The following FBXO30 variants were observed in gnomAD, a reference collection of about 807,000 sequenced individuals.
FBXO30 encodes the protein F-box protein 30.
A neutral mutation model predicts 58.1 loss-of-function variants in FBXO30; 21 were observed. The observed-to-expected ratio is 0.36, with a 90% CI of 0.26 to 0.52. The LOEUF is 0.52. FBXO30 is among the 20% of genes least tolerant of loss of function. FBXO30 has a pLI of 0.93. For missense variants in FBXO30, 744 were observed against 897.3 expected (o/e 0.83, Z 2.18); for synonymous variants, 309 against 312.4 (o/e 0.99, Z 0.11).
chr6:145,808,248 C>A (rs1024143918), intron 1 of FBXO30, among the ~76,000 whole-genome samples: 4 of 143,274 alleles, frequency 2.8e-5, no homozygotes, highest in African/African-American at 7.6e-5. Flanking sequence ...CAAAAAAAAA[C>A]GTCTAATTTC....
At position 145,795,414 on chromosome 6, in the gene FBXO30, A is replaced by G. The variant is rs1181622542; in HGVS notation, c.*4692T>C. On this transcript the variant is annotated 3_prime_UTR_variant, in exon 3 of 3. Transcript: ENST00000237281. ...ACATATTGAAGAACCATTCCCTAGT[A>G]TTTGCATGCAAATGGGTTAATAAAA... 2.0e-5 allele frequency: 3 copies of G among 151,860 alleles called. No individual in the cohort carries two copies. Among genetic ancestry groups the G allele is most frequent in the Non-Finnish European group, 1.5e-5 (1 of 67,810 alleles). The allele number at this position is 151,860 out of a possible 1,614,324, so 9.4% of individuals were successfully genotyped here.
intron 1 of FBXO30, among the ~76,000 whole-genome samples, chr6:145,807,693 A>G (rs772559884): frequency 2.6e-5 from 4 of 152,248 alleles, no homozygotes; most frequent in Non-Finnish European, 4.4e-5. Flanking sequence ...GAAAAGTTTT[A>G]TATGAAAAAT....
In FBXO30 at chr6:145,805,667, C is replaced by A; in HGVS notation, c.739G>T (p.Val247Leu). The A allele has an allele frequency of 6.2e-7, 1 of 1,614,138 alleles. No homozygotes were observed. The highest frequency in any genetic ancestry group is 1.6e-4 in the Middle Eastern group (1 of 6,062). The change falls in exon 2 of 3, where the codon GTA becomes TTA. Residue 247 changes from valine (V) to leucine (L), a missense_variant. Physicochemically the swap from Val to Leu is conservative, Grantham distance 32. Coordinates refer to ENST00000237281, the MANE Select transcript of FBXO30 (RefSeq NM_032145.5). ...GTGTCATTGTAGTCAATTCCACCTACTGCTCCTATTTCCTCCTCATAAAGA... is the reference window on the plus strand; with the variant it reads ...GTGTCATTGTAGTCAATTCCACCTAATGCTCCTATTTCCTCCTCATAAAGA... ...DHLYEEEIGA[V>L]GGIDYNDTNQ...
At position 145,797,873 on chromosome 6, in the gene FBXO30, T is replaced by G. The variant is rs1365390388; in HGVS notation, c.*2233A>C. 4 of 152,036 alleles carry G rather than the reference T, an allele frequency of 2.6e-5. No individual in the cohort carries two copies. Among genetic ancestry groups the G allele is most frequent in the Non-Finnish European group, 5.9e-5 (4 of 67,948 alleles). The allele number at this position is 152,036 out of a possible 1,614,324, so 9.4% of individuals were successfully genotyped here. A position where few individuals can be genotyped will look rare whatever the true frequency, so the allele number is the denominator to read the frequency against. ...CTATTAGGCCAACATAAAAACCTTT[T>G]CATACTTAAGAGGAGAGAGAGATGG... On this transcript the variant is annotated 3_prime_UTR_variant, in exon 3 of 3. Transcript: ENST00000237281.
In FBXO30 at chr6:145,796,782, A is replaced by T. The variant is rs1777874446; in HGVS notation, c.*3324T>A. 1 of 152,028 alleles carries T rather than the reference A, an allele frequency of 6.6e-6. No individual in the cohort carries two copies. Among genetic ancestry groups the T allele is most frequent in the Non-Finnish European group, 1.5e-5 (1 of 67,924 alleles). The allele number at this position is 152,028 out of a possible 1,614,324, so 9.4% of individuals were successfully genotyped here. On this transcript the variant is annotated 3_prime_UTR_variant, in exon 3 of 3. Coordinates refer to ENST00000237281, the MANE Select transcript of FBXO30 (RefSeq NM_032145.5). ...TCAAATCTCCACAGGCAAAACTGTTATCGATATAGTAATATAAACTACCAT... is the reference window on the plus strand; with the variant it reads ...TCAAATCTCCACAGGCAAAACTGTTTTCGATATAGTAATATAAACTACCAT...
At chr6:145,810,514 T>A (rs1036749819) in intron 1 of FBXO30, among the ~76,000 whole-genome samples, 6 of 152,220 alleles carry the variant, frequency 3.9e-5, no homozygotes, top group Admixed American at 1.3e-4. Flanking sequence ...TGAATTTAAA[T>A]TGTTGGAAAA....
intron 2 of FBXO30, 77 bp downstream of exon 2, chr6:145,804,295 A>C (rs1778095855): frequency 6.3e-6 from 8 of 1,266,476 alleles, no homozygotes; most frequent in Non-Finnish European, 7.6e-6. Flanking sequence ...TCTCAACAAG[A>C]TATTAATTGT....
chr6:145,800,069 A>C lies in FBXO30; in HGVS notation c.*37T>G. The C allele has an allele frequency of 6.9e-7, 1 of 1,442,654 alleles. No homozygotes were observed. Among genetic ancestry groups the C allele is most frequent in the Non-Finnish European group, 9.7e-7 (1 of 1,031,294 alleles). The allele number at this position is 1,442,654 out of a possible 1,614,324, so 89.4% of individuals were successfully genotyped here. On this transcript the variant is annotated 3_prime_UTR_variant, in exon 3 of 3. Transcript: ENST00000237281. The stretch of plus-strand genomic sequence containing the variant: ...TCACATATTACAAAGAAATTATACT[A>C]GGTGCTTGCATATATGTGCTAGTAA...
At chr6:145,808,453 G>T (rs1778244332) in intron 1 of FBXO30, among the ~76,000 whole-genome samples, 1 of 152,016 alleles carries the variant, frequency 6.6e-6, no homozygotes, top group Admixed American at 6.5e-5. Context: ...TGTCACTCCA[G>T]TCTTTCTCCT....
chr6:145,806,343 C>T lies in FBXO30; in HGVS notation c.63G>A (p.Arg21=), dbSNP rs181147568. Residue 21 remains arginine, a synonymous_variant, in exon 2 of 3, where the codon AGG becomes AGA. Coordinates refer to ENST00000237281, the MANE Select transcript of FBXO30 (RefSeq NM_032145.5). ...AATCACAGGAAATCCCTGGCTCTGG[C>T]CTGGTCATGCACCGTCTACTGACAC... is the stretch of plus-strand genomic sequence containing the variant. ...VNCVSRRCMT[R]PEPGISCDLI... 68 of 1,613,954 alleles carry T rather than the reference C, an allele frequency of 4.2e-5. 1 individual carries two copies. The East Asian group carries it at 1.4e-3, about 34-fold the overall frequency.
Position 145,806,007 on chromosome 6 carries a change from T to C in FBXO30, c.399A>G (p.Leu133=), listed in dbSNP as rs1485753847. 2 of 1,614,082 alleles carry C rather than the reference T, an allele frequency of 1.2e-6. No homozygotes were observed. Among genetic ancestry groups the C allele is most frequent in the East Asian group, 2.2e-5 (1 of 44,882 alleles). The change falls in exon 2 of 3, where the codon TTA becomes TTG. Residue 133 remains leucine (L), a synonymous_variant. Transcript: ENST00000237281. The part of the protein sequence containing the change: ...ALALQDQRML[L]ESLKVATMMS... The stretch of plus-strand genomic sequence containing the variant: ...TCATGGTGGCTACTTTGAGGGATTC[T>C]AAGAGCATCCTTTGGTCTTGAAGAG...
chr6:145,806,144 C>A lies in FBXO30; in HGVS notation c.262G>T (p.Val88Leu). The A allele has an allele frequency of 1.2e-6, 2 of 1,614,124 alleles. No homozygotes were observed. The highest frequency in any genetic ancestry group is 1.6e-4 in the Middle Eastern group (1 of 6,062). Reference sequence around the variant, plus strand: ...CGATTCCATTCCATAGTACAGCACACCACACTTGCAGGACACATTTCTAGA... The same window carrying A: ...CGATTCCATTCCATAGTACAGCACAACACACTTGCAGGACACATTTCTAGA... Reference protein sequence around the residue: ...EHLEMCPASVVCCTMEWNRWP... With the variant: ...EHLEMCPASVLCCTMEWNRWP... Residue 88 changes from valine to leucine, a missense_variant, in exon 2 of 3, where the codon GTG (valine) becomes TTG (leucine). This residue lies in a region of FBXO30 where 135 missense variants were observed against 201.6 expected (regional missense o/e 0.67). Coordinates refer to ENST00000237281, the MANE Select transcript of FBXO30 (RefSeq NM_032145.5).
In FBXO30 at chr6:145,799,387, TG is replaced by T. The variant is rs1441952083; in HGVS notation, c.*718del. ...TCAAATTAAATTATATTCACAGGCTTGCTTTTTGTTTGTTTTTGCTTTGTCC... is the reference window on the plus strand; with the variant it reads ...TCAAATTAAATTATATTCACAGGCTTCTTTTTGTTTGTTTTTGCTTTGTCC... On this transcript the variant is annotated 3_prime_UTR_variant, in exon 3 of 3. Coordinates refer to ENST00000237281, the MANE Select transcript of FBXO30 (RefSeq NM_032145.5). The T allele has an allele frequency of 6.6e-6, 1 of 152,268 alleles. No homozygotes were observed. The highest frequency in any genetic ancestry group is 1.9e-4 in the East Asian group (1 of 5,198). 9.4% of individuals were successfully genotyped at this position (152,268 alleles called of 1,614,324 possible). A position where few individuals can be genotyped will look rare whatever the true frequency, so the allele number is the denominator to read the frequency against.
chr6:145,812,935 C>T (rs1310611598), intron 1 of FBXO30, among the ~76,000 whole-genome samples: 2 of 152,096 alleles, frequency 1.3e-5, no homozygotes, highest in African/African-American at 4.8e-5. Flanking sequence ...CAATGACATT[C>T]CATAATATGT....
chr6:145,805,651 T>C lies in FBXO30; in HGVS notation c.755A>G (p.Tyr252Cys). Reference sequence around the variant, plus strand: ...CTGGGCATTCTGATTTGTGTCATTGTAGTCAATTCCACCTACTGCTCCTAT... The same window carrying C: ...CTGGGCATTCTGATTTGTGTCATTGCAGTCAATTCCACCTACTGCTCCTAT... ...EEIGAVGGID[Y>C]NDTNQNAQSE... The change falls in exon 2 of 3, where the codon TAC (tyrosine) becomes TGC (cysteine). Residue 252 changes from tyrosine to cysteine, a missense_variant. By Grantham distance (194) the Tyr-to-Cys change is radical (BLOSUM62 -2). This residue lies in a region of FBXO30 where 275 missense variants were observed against 262.0 expected (regional missense o/e 1.05). Coordinates refer to ENST00000237281, the MANE Select transcript of FBXO30 (RefSeq NM_032145.5). The C allele has an allele frequency of 6.2e-7, 1 of 1,614,128 alleles. No homozygotes were observed. Among genetic ancestry groups the C allele is most frequent in the Non-Finnish European group, 8.5e-7 (1 of 1,179,998 alleles).
Position 145,806,022 on chromosome 6 carries a change from G to C in FBXO30, c.384C>G (p.Asp128Glu). The change falls in exon 2 of 3, where the codon GAC (aspartate) becomes GAG (glutamate). Residue 128 changes from aspartate (D) to glutamate (E), a missense_variant. Physicochemically the swap from Asp to Glu is conservative, Grantham distance 45. Transcript: ENST00000237281. ...TGAGGGATTCTAAGAGCATCCTTTG[G>C]TCTTGAAGAGCCAAGGCCATATCCA... ...AQLDMALALQDQRMLLESLKV... is the reference protein window; with the variant it reads ...AQLDMALALQEQRMLLESLKV... The C allele has an allele frequency of 6.2e-7, 1 of 1,613,978 alleles. No individual in the cohort carries two copies. The highest frequency in any genetic ancestry group is 8.5e-7 in the Non-Finnish European group (1 of 1,179,944).
chr6:145,809,946 G>A (rs924518078), intron 1 of FBXO30: 3 of 152,170 alleles, frequency 2.0e-5, no homozygotes, highest in Non-Finnish European at 4.4e-5. Context: ...TCTGTAACTG[G>A]TGATCCAATG....
rs1238355038 is a variant in FBXO30 at position 145,799,598 on chromosome 6, A to G, written c.*508T>C. 6.5e-6 allele frequency: 1 copy of G among 152,676 alleles called. No homozygotes were observed. Among genetic ancestry groups the G allele is most frequent in the Non-Finnish European group, 1.5e-5 (1 of 68,102 alleles). 9.5% of individuals were successfully genotyped at this position (152,676 alleles called of 1,614,324 possible). A position where few individuals can be genotyped will look rare whatever the true frequency, so the allele number is the denominator to read the frequency against. ...TTACGTATGTAAGTATATATTAGAG[A>G]TCATTTGTGCATTAACAATTGTATA... On this transcript the variant is annotated 3_prime_UTR_variant, in exon 3 of 3. Coordinates refer to ENST00000237281, the MANE Select transcript of FBXO30 (RefSeq NM_032145.5).
Position 145,802,775 on chromosome 6 carries a change from G to T in FBXO30, c.2034+1597C>A, listed in dbSNP as rs188000184. 7.9e-5 allele frequency among the ~76,000 whole-genome samples: 12 copies of T among 152,240 alleles called. 1 individual carries two copies. In the East Asian group the frequency reaches 2.3e-3, roughly 29 times the overall value. On this transcript the variant is annotated intron_variant, in intron 2 of 2. Coordinates refer to ENST00000237281, the MANE Select transcript of FBXO30 (RefSeq NM_032145.5). ...GAAGGAAGCTGTTGTTGTAGTCCAGGAGACAACTACAGTTGGGACTGAACT... is the reference window on the plus strand; with the variant it reads ...GAAGGAAGCTGTTGTTGTAGTCCAGTAGACAACTACAGTTGGGACTGAACT...
Sources: allele counts gnomAD v4.1 joint callset (sites outside exome capture counted in the v4.1 genomes callset), GRCh38; gene constraint gnomAD v4.1.1; regional missense constraint gnomAD v4.1.1; transcripts MANE v1.5; gene names NCBI Gene and HGNC (gene_info 2026-07-23, HGNC 2026-07-21).